Variants in ST7 observed in about 807,000 individuals in gnomAD.
ST7 encodes suppression of tumorigenicity 7.
In ST7, 28 loss-of-function variants were observed where a neutral mutation model predicts 78.7. That is an observed-to-expected ratio of 0.36 (90% CI 0.26 to 0.49). The LOEUF is 0.49. Among genes scored for constraint, ST7 ranks in the 20% least tolerant of loss-of-function variants. ST7 has a pLI of 0.99. For missense variants in ST7, 418 were observed against 696.0 expected, an observed-to-expected ratio of 0.60 and a Z score of 4.49; for synonymous variants, 247 against 249.6, an observed-to-expected ratio of 0.99 and a Z score of 0.10.
At chr7:117,147,856 A>AT (rs1390473972) in intron 9 of ST7, among the ~76,000 whole-genome samples, 7 of 151,646 alleles carry the variant, frequency 4.6e-5, no homozygotes, top group African/African-American at 1.5e-4. Context: ...ACCCCTCGTC[A>AT]TTGATTGATT....
rs576001330 is a variant in ST7, at chr7:117,204,240, A to AT, written c.1255-5540dup. ...ACCTCTACAGTAATATGAACATTTA[A>AT]TTTTTTTGGTAGCAAAAATATCTAC... On this transcript the variant is annotated intron_variant, in intron 12 of 15. Transcript: ENST00000323984. 4.0e-3 allele frequency among the ~76,000 whole-genome samples: 615 copies of AT among 152,328 alleles called. 6 individuals are homozygous for AT. Among genetic ancestry groups the AT allele is most frequent in the African/African-American group, 0.014 (582 of 41,568 alleles).
At chr7:117,102,840 ACT>A (rs538889877) in intron 2 of ST7, among the ~76,000 whole-genome samples, 5 of 152,088 alleles carry the variant, frequency 3.3e-5, no homozygotes, top group Non-Finnish European at 7.4e-5. Context: ...AAACCTAAAG[ACT>A]CTACCAAAAA....
intron 2 of ST7, among the ~76,000 whole-genome samples, chr7:117,102,183 G>A (rs1222226174): frequency 1.3e-5 from 2 of 152,160 alleles, no homozygotes; most frequent in Non-Finnish European, 2.9e-5. Context: ...TGGTGATAGT[G>A]TATGGTAGTG....
chr7:117,020,608 A>C (rs1795848795), intron 1 of ST7: 5 of 1,549,856 alleles, frequency 3.2e-6, no homozygotes, highest in Non-Finnish European at 4.4e-6. Flanking sequence ...GGAGCCAGCC[A>C]TGTTTGGCAC....
intron 3 of ST7, among the ~76,000 whole-genome samples, chr7:117,127,123 A>T (rs1489614528): frequency 2.6e-5 from 4 of 151,908 alleles, no homozygotes; most frequent in Non-Finnish European, 2.9e-5. Context: ...AGGGCATTAA[A>T]ATTGTTGATG....
intron 1 of ST7, among the ~76,000 whole-genome samples, chr7:117,063,425 A>G (rs1286518001): frequency 2.6e-5 from 4 of 152,172 alleles, no homozygotes; most frequent in Non-Finnish European, 5.9e-5. Context: ...AAAGTATTTC[A>G]GGGCCAGGCA....
intron 1 of ST7, among the ~76,000 whole-genome samples, chr7:117,015,608 T>C (rs1795569163): frequency 6.6e-6 from 1 of 152,180 alleles, no homozygotes; most frequent in Admixed American, 6.5e-5. Flanking sequence ...AATTGGTACA[T>C]GTTTAGAAAT....
intron 12 of ST7, among the ~76,000 whole-genome samples, chr7:117,195,019 G>T (rs1403042052): frequency 6.6e-6 from 1 of 152,112 alleles, no homozygotes; most frequent in African/African-American, 2.4e-5. Context: ...CCAAAAGGTG[G>T]ACTAAATTAT....
intron 9 of ST7, among the ~76,000 whole-genome samples, chr7:117,170,656 G>A (rs1281618893): frequency 6.6e-6 from 1 of 152,144 alleles, no homozygotes; most frequent in African/African-American, 2.4e-5. Flanking sequence ...ACTCCAGCCT[G>A]GGCGACAGAG....
chr7:117,204,748 C>A (rs894464152), intron 12 of ST7, among the ~76,000 whole-genome samples: 1 of 152,120 alleles, frequency 6.6e-6, no homozygotes, highest in Non-Finnish European at 1.5e-5. Flanking sequence ...GCCAGTTGCA[C>A]CAAAGCATTG....
Position 116,974,516 on chromosome 7 carries a change from C to T in ST7, c.151+20825C>T, listed in dbSNP as rs1295180010. On this transcript the variant is annotated intron_variant, in intron 1 of 15. Transcript: ENST00000323984. ...CCGTGTTAGCCAGGATGGTCTCGAT[C>T]TCCTGACCTCGTGATCCACCTGCCT... 2.6e-5 allele frequency among the ~76,000 whole-genome samples: 4 copies of T among 152,142 alleles called. No individual in the cohort carries two copies. In the East Asian group the frequency reaches 7.7e-4, roughly 29 times the overall value.
chr7:117,229,939 A>G lies in ST7; in HGVS notation c.*82A>G, dbSNP rs1584653870. ...AACTCCTTGTGGACCGCAAGAAAGC[A>G]TGACTTTGAAAAAGGGAAGCCATTC... On this transcript the variant is annotated 3_prime_UTR_variant, in exon 16 of 16. Coordinates refer to ENST00000323984, the MANE Select transcript of ST7 (RefSeq NM_001369598.1). 1 of 1,209,404 alleles carries G rather than the reference A, an allele frequency of 8.3e-7. No homozygotes were observed. Among genetic ancestry groups the G allele is most frequent in the Non-Finnish European group, 1.2e-6 (1 of 810,410 alleles). 74.9% of individuals were successfully genotyped at this position (1,209,404 alleles called of 1,614,324 possible). A position where few individuals can be genotyped will look rare whatever the true frequency, so the allele number is the denominator to read the frequency against.
At chr7:117,009,430 A>G (rs1180312499) in intron 1 of ST7, among the ~76,000 whole-genome samples, 1 of 152,028 alleles carries the variant, frequency 6.6e-6, no homozygotes, top group Non-Finnish European at 1.5e-5. Context: ...CTACAGAGGG[A>G]TATGTCTGGC....
intron 1 of ST7, among the ~76,000 whole-genome samples, chr7:117,012,758 A>G (rs1425711437): frequency 6.6e-6 from 1 of 152,158 alleles, no homozygotes; most frequent in African/African-American, 2.4e-5. Flanking sequence ...AACTTGCTTA[A>G]TTAGGATAAT....
chr7:117,136,081 G>A lies in ST7; in HGVS notation c.711G>A (p.Lys237=). 6.2e-7 allele frequency: 1 copy of A among 1,613,142 alleles called. No individual in the cohort carries two copies. Among genetic ancestry groups the A allele is most frequent in the Non-Finnish European group, 8.5e-7 (1 of 1,179,390 alleles). The change falls in exon 8 of 16, where the codon AAG becomes AAA. Residue 237 remains lysine (K), a splice_region_variant and synonymous_variant. Coordinates refer to ENST00000323984, the MANE Select transcript of ST7 (RefSeq NM_001369598.1). The part of the protein sequence containing the change: ...STIWEIKLLP[K]CATAYILLAE... Reference sequence around the variant, plus strand: ...TGGTGGCTATTATCTGAATGAACAGGTGTGCAACTGCTTATATTCTCTTGG... The same window carrying A: ...TGGTGGCTATTATCTGAATGAACAGATGTGCAACTGCTTATATTCTCTTGG...
intron 1 of ST7, among the ~76,000 whole-genome samples, chr7:117,011,306 C>T (rs1026791701): frequency 6.6e-6 from 1 of 152,130 alleles, no homozygotes; most frequent in Non-Finnish European, 1.5e-5. Context: ...CATCCTGGCT[C>T]CTTTGAGGAG....
chr7:116,965,265 G>A (rs564037504), intron 1 of ST7, among the ~76,000 whole-genome samples: 3 of 151,738 alleles, frequency 2.0e-5, no homozygotes, highest in Non-Finnish European at 4.4e-5. Context: ...GCGTGAACCC[G>A]GGAGGCGGAG....
chr7:117,198,614 C>T (rs945311393), intron 12 of ST7: 2 of 235,922 alleles, frequency 8.5e-6, no homozygotes, highest in Admixed American at 5.3e-5. Context: ...GAGCCTGGTA[C>T]CATCCTTGCT....
chr7:117,131,393 G>T (rs1201102579), intron 5 of ST7, among the ~76,000 whole-genome samples: 3 of 151,756 alleles, frequency 2.0e-5, no homozygotes, highest in Non-Finnish European at 4.4e-5. Flanking sequence ...GTAAATTTGG[G>T]ATATAAGTAC....
Sources: allele counts gnomAD v4.1 joint callset (sites outside exome capture counted in the v4.1 genomes callset), GRCh38; gene constraint gnomAD v4.1.1; transcripts MANE v1.5; gene names NCBI Gene and HGNC (gene_info 2026-07-23, HGNC 2026-07-21).